SPON1: variants seen among roughly 807,000 people sequenced by gnomAD.
SPON1 encodes spondin-1.
In SPON1, 52 loss-of-function variants were observed where a neutral mutation model predicts 111.7. The ratio of observed to expected loss-of-function variants is 0.47; its 90% CI spans 0.37 to 0.59. The LOEUF is 0.59. Among genes scored for constraint, SPON1 ranks in the 20% least tolerant of loss-of-function variants. The probability of loss-of-function intolerance (pLI) is 0.00; values close to 1 mark genes in which losing one functional copy is unlikely to be tolerated. For missense variants in SPON1, 957 were observed against 1,068.5 expected, an observed-to-expected ratio of 0.90 and a Z score of 1.46; for synonymous variants, 410 against 395.8, an observed-to-expected ratio of 1.04 and a Z score of -0.43.
chr11:13,989,270 G>C lies in SPON1; in HGVS notation c.345+6317G>C, dbSNP rs115345519. Among the ~76,000 whole-genome samples the C allele has an allele frequency of 2.0e-3, 299 of 152,170 alleles. 1 individual carries two copies. The highest frequency in any genetic ancestry group is 1.1e-3 in the Non-Finnish European group (73 of 68,012). ...AGGGATTCAGCTTCTTCATGGTTTC[G>C]ACTTGGGAGGGTTTATGTGTCCAGG... On this transcript the variant is annotated intron_variant, in intron 2 of 15. Coordinates refer to ENST00000576479, the MANE Select transcript of SPON1 (RefSeq NM_006108.4).
chr11:14,050,150 G>C (rs1478430759), intron 3 of SPON1, among the ~76,000 whole-genome samples: 4 of 152,156 alleles, frequency 2.6e-5, no homozygotes, highest in Non-Finnish European at 5.9e-5. Flanking sequence ...CTCATTCAAT[G>C]TTTCTCACCA....
intron 6 of SPON1, among the ~76,000 whole-genome samples, chr11:14,171,693 C>A (rs1332912399): frequency 6.6e-6 from 1 of 152,006 alleles, no homozygotes; most frequent in African/African-American, 2.4e-5. Flanking sequence ...TATGTTGTGT[C>A]TTTGTTCTCG....
intron 2 of SPON1, among the ~76,000 whole-genome samples, chr11:14,038,183 C>T (rs1423008578): frequency 1.3e-5 from 2 of 150,606 alleles, no homozygotes; most frequent in Non-Finnish European, 1.5e-5. Context: ...AAATAAATAA[C>T]GACTGGGCGT....
rs147749018 is a variant in SPON1 at position 14,253,855 on chromosome 11, C to T, written c.891-673C>T. ...AATGAAATAATATGGGACTGCCACC[C>T]GCTGTGTGCTTTGCGAATGTGACTC... On this transcript the variant is annotated intron_variant, in intron 7 of 15. Coordinates refer to ENST00000576479, the MANE Select transcript of SPON1 (RefSeq NM_006108.4). Among the ~76,000 whole-genome samples, 527 of 152,326 alleles carry T rather than the reference C, an allele frequency of 3.5e-3. 10 individuals are homozygous for T. The East Asian group carries it at 0.04, about 12-fold the overall frequency.
chr11:14,182,223 T>A (rs1168646779), intron 6 of SPON1, among the ~76,000 whole-genome samples: 1 of 152,178 alleles, frequency 6.6e-6, no homozygotes, highest in Non-Finnish European at 1.5e-5. Flanking sequence ...TTCCTGATAT[T>A]CATTCACCTC....
chr11:14,201,828 T>C (rs1848467654), intron 6 of SPON1, among the ~76,000 whole-genome samples: 1 of 152,188 alleles, frequency 6.6e-6, no homozygotes, highest in Non-Finnish European at 1.5e-5. Context: ...GGTTTCATAG[T>C]AGGTGACTGT....
intron 3 of SPON1, among the ~76,000 whole-genome samples, chr11:14,045,964 A>G (rs1160010890): frequency 6.6e-6 from 1 of 152,184 alleles, no homozygotes; most frequent in East Asian, 1.9e-4. Context: ...CCCATATTTT[A>G]TAGATTTTAA....
chr11:13,963,099 G>A lies in SPON1; in HGVS notation c.195G>A (p.Val65=). 3.2e-6 allele frequency: 5 copies of A among 1,547,788 alleles called. No individual in the cohort carries two copies. Among genetic ancestry groups the A allele is most frequent in the Non-Finnish European group, 4.4e-6 (5 of 1,148,996 alleles). The change falls in exon 1 of 16, where the codon GTG becomes GTA. Residue 65 remains valine, a synonymous_variant. Transcript: ENST00000576479. The part of the protein sequence containing the change: ...REGYTEFSLR[V]EGDPDFYKPG... ...GCTACACCGAGTTCAGCCTCCGCGT[G>A]GAGGGCGACCCCGACTTCTACAAGC...
At chr11:14,175,426 A>G (rs1241223471) in intron 6 of SPON1, among the ~76,000 whole-genome samples, 1 of 152,166 alleles carries the variant, frequency 6.6e-6, no homozygotes, top group Non-Finnish European at 1.5e-5. Flanking sequence ...CAAAGTTTGT[A>G]ACTGACCAGC....
chr11:13,982,672 A>T (rs1203010935), intron 1 of SPON1, among the ~76,000 whole-genome samples, 175 bp from the exon 2 acceptor site: 1 of 152,148 alleles, frequency 6.6e-6, no homozygotes, highest in East Asian at 1.9e-4. Context: ...TGTAAGAGGG[A>T]GCTGGGTGAA....
intron 2 of SPON1, among the ~76,000 whole-genome samples, chr11:13,992,857 C>T (rs1459061970): frequency 2.0e-5 from 3 of 151,972 alleles, no homozygotes; most frequent in Non-Finnish European, 4.4e-5. Flanking sequence ...CTCCATCCTG[C>T]TTTGGCTTGC....
intron 3 of SPON1, among the ~76,000 whole-genome samples, chr11:14,065,464 G>A (rs1848825537): frequency 6.6e-6 from 1 of 152,186 alleles, no homozygotes; most frequent in Non-Finnish European, 1.5e-5. Context: ...CAAGGACTCA[G>A]CACAGAACAC....
chr11:14,183,764 T>A (rs1848259009), intron 6 of SPON1, among the ~76,000 whole-genome samples: 1 of 142,986 alleles, frequency 7.0e-6, no homozygotes, highest in Admixed American at 7.1e-5. Context: ...GGAGTTGGGA[T>A]TTAAACAGAT....
intron 6 of SPON1, among the ~76,000 whole-genome samples, chr11:14,154,611 T>C (rs1420949670): frequency 6.6e-6 from 1 of 152,246 alleles, no homozygotes; most frequent in Non-Finnish European, 1.5e-5. Context: ...GTTTCTGAAA[T>C]GCCTTACAGG....
At chr11:14,131,700 A>G (rs1393397796) in intron 5 of SPON1, among the ~76,000 whole-genome samples, 4 of 152,142 alleles carry the variant, frequency 2.6e-5, no homozygotes, top group African/African-American at 9.7e-5. Flanking sequence ...TATTTCTTAA[A>G]GGGAAACTGA....
chr11:14,238,934 T>C (rs1848895172), intron 6 of SPON1, among the ~76,000 whole-genome samples: 1 of 152,222 alleles, frequency 6.6e-6, no homozygotes, highest in African/African-American at 2.4e-5. Context: ...CTGTGGGAGC[T>C]GAGAAGGGGC....
chr11:14,014,542 G>C (rs1465332785), intron 2 of SPON1, among the ~76,000 whole-genome samples: 3 of 152,192 alleles, frequency 2.0e-5, no homozygotes, highest in African/African-American at 7.2e-5. Context: ...CTGGAGTTTG[G>C]GAGGAGAAAG....
At chr11:14,113,051 C>T (rs1375345157) in intron 5 of SPON1, among the ~76,000 whole-genome samples, 2 of 152,210 alleles carry the variant, frequency 1.3e-5, no homozygotes, top group African/African-American at 4.8e-5. Flanking sequence ...TTTGTTCAAG[C>T]AATGAATAAG....
At chr11:14,195,927 A>G (rs1264990651) in intron 6 of SPON1, among the ~76,000 whole-genome samples, 10 of 152,184 alleles carry the variant, frequency 6.6e-5, no homozygotes, top group African/African-American at 2.4e-4. Flanking sequence ...GGGTGTATAC[A>G]TTCTTAGTGC....
Sources: gnomAD v4.1 joint callset for allele counts (sites outside exome capture counted in the v4.1 genomes callset) on GRCh38, gnomAD v4.1.1 for gene constraint, MANE v1.5 for transcripts, NCBI Gene and HGNC (gene_info 2026-07-23, HGNC 2026-07-21) for gene names.